The following PPARGC1B variants were observed in gnomAD, a reference collection of about 807,000 sequenced individuals.
PPARGC1B encodes peroxisome proliferator-activated receptor gamma coactivator 1-beta.
A neutral mutation model predicts 101.6 loss-of-function variants in PPARGC1B; 34 were observed. The ratio of observed to expected loss-of-function variants is 0.33; its 90% CI spans 0.25 to 0.45. PPARGC1B has a LOEUF of 0.45. Ranked by LOEUF, PPARGC1B falls within the 20% of genes least tolerant of loss-of-function variation. PPARGC1B has a pLI of 1.00. For synonymous variants in PPARGC1B, 548 were observed against 539.3 expected (o/e 1.02, Z -0.22); for missense variants, 1,234 against 1,317.6 (o/e 0.94, Z 0.98).
intron 1 of PPARGC1B, among the ~76,000 whole-genome samples, chr5:149,754,971 C>T (rs1376131968): frequency 3.4e-5 from 5 of 148,240 alleles, no homozygotes; most frequent in African/African-American, 1.2e-4. Context: ...TATATGTAAA[C>T]ACACACACTA....
intron 1 of PPARGC1B, among the ~76,000 whole-genome samples, chr5:149,745,553 C>T (rs887606986): frequency 3.3e-5 from 5 of 152,174 alleles, no homozygotes; most frequent in African/African-American, 1.2e-4. Context: ...TCCCCTCTCT[C>T]TTTCCTGCCT....
chr5:149,835,337 C>T lies in PPARGC1B; in HGVS notation c.1779C>T (p.Thr593=), dbSNP rs367887081. 6.2e-7 allele frequency: 1 copy of T among 1,614,198 alleles called. No individual in the cohort carries two copies. Among genetic ancestry groups the T allele is most frequent in the Non-Finnish European group, 8.5e-7 (1 of 1,180,026 alleles). ...TTGGCAAGAAGAGCTTTGAGCAGAC[C>T]TTGACAGTGGAGCTCTGTGGCACAG... ...PTFGKKSFEQ[T]LTVELCGTAG... Residue 593 remains threonine (T), a synonymous_variant, in exon 7 of 12, where the codon ACC becomes ACT. Transcript: ENST00000309241.
At chr5:149,795,566 G>T (rs995926481) in intron 1 of PPARGC1B, among the ~76,000 whole-genome samples, 1 of 152,144 alleles carries the variant, frequency 6.6e-6, no homozygotes, top group Non-Finnish European at 1.5e-5. Context: ...GGAGCAGTGG[G>T]GAGTTTCCAG....
Position 149,845,741 on chromosome 5 carries a change from C to T in PPARGC1B, c.2817-19C>T. The T allele has an allele frequency of 1.3e-6, 2 of 1,592,198 alleles. No individual in the cohort carries two copies. Among genetic ancestry groups the T allele is most frequent in the African/African-American group, 1.3e-5 (1 of 74,594 alleles). ...CCCAGCCAGCCCAATAACATACTCT[C>T]CTTGCTCCCTCCCCGCAGAGGCGAG... On this transcript the variant is annotated intron_variant, in intron 10 of 11. Coordinates refer to ENST00000309241, the MANE Select transcript of PPARGC1B (RefSeq NM_133263.4).
intron 1 of PPARGC1B, among the ~76,000 whole-genome samples, chr5:149,752,696 G>T (rs1222682248): frequency 6.6e-6 from 1 of 152,136 alleles, no homozygotes; most frequent in African/African-American, 2.4e-5. Flanking sequence ...AGGCGTGGTG[G>T]CAGGTGCCTG....
intron 1 of PPARGC1B, among the ~76,000 whole-genome samples, chr5:149,744,378 G>A (rs1251054504): frequency 2.0e-5 from 3 of 152,224 alleles, no homozygotes; most frequent in African/African-American, 4.8e-5. Context: ...AGGCAGACAC[G>A]TGGACTGCAG....
At chr5:149,750,627 C>CA (rs1309832517) in intron 1 of PPARGC1B, among the ~76,000 whole-genome samples, 5 of 152,050 alleles carry the variant, frequency 3.3e-5, no homozygotes, top group Non-Finnish European at 7.4e-5. Flanking sequence ...GAGCTGCTTA[C>CA]AGAGCCGCTG....
chr5:149,740,886 A>G (rs1313995012), intron 1 of PPARGC1B, among the ~76,000 whole-genome samples: 1 of 152,224 alleles, frequency 6.6e-6, no homozygotes, highest in Non-Finnish European at 1.5e-5. Context: ...TAAAACACAC[A>G]AATGTCAATT....
chr5:149,733,423 G>A (rs1754577952), intron 1 of PPARGC1B, among the ~76,000 whole-genome samples: 1 of 152,150 alleles, frequency 6.6e-6, no homozygotes, highest in Non-Finnish European at 1.5e-5. Context: ...CCTCTACTAG[G>A]CTCTCCCAGC....
chr5:149,833,332 TC>T lies in PPARGC1B; in HGVS notation c.1261del (p.Arg421AlafsTer62). On this transcript the variant is annotated frameshift_variant, in exon 5 of 12. Coordinates refer to ENST00000309241, the MANE Select transcript of PPARGC1B (RefSeq NM_133263.4). LOFTEE classifies it high-confidence loss of function. The surrounding 1 kb of genome is among the most constrained non-coding windows in gnomAD (Gnocchi z 4.1). ...RPLRLEVKRE[V>X]RRPARLQQQE... ...CTGCGGCTGGAGGTGAAAAGGGAGGTCCGCCGGCCTGCCAGACTGCAGCAGC... is the reference window on the plus strand; with the variant it reads ...CTGCGGCTGGAGGTGAAAAGGGAGGTCGCCGGCCTGCCAGACTGCAGCAGC... 1 of 1,611,032 alleles carries T rather than the reference TC, an allele frequency of 6.2e-7. No individual in the cohort carries two copies. Among genetic ancestry groups the T allele is most frequent in the Non-Finnish European group, 8.5e-7 (1 of 1,179,496 alleles).
At chr5:149,794,928 A>G (rs1395108391) in intron 1 of PPARGC1B, among the ~76,000 whole-genome samples, 3 of 152,190 alleles carry the variant, frequency 2.0e-5, no homozygotes, top group Non-Finnish European at 4.4e-5. Context: ...TGAGGGGGCC[A>G]TTGCCCCACT....
In PPARGC1B at chr5:149,847,872, A is replaced by C. The variant is rs1759630805; in HGVS notation, c.*314A>C. 1.1e-5 allele frequency: 4 copies of C among 373,726 alleles called. No individual in the cohort carries two copies. The highest frequency in any genetic ancestry group is 1.9e-5 in the Non-Finnish European group (4 of 205,862). The allele number at this position is 373,726 out of a possible 1,614,324, so 23.2% of individuals were successfully genotyped here. A position where few individuals can be genotyped will look rare whatever the true frequency, so the allele number is the denominator to read the frequency against. On this transcript the variant is annotated 3_prime_UTR_variant, in exon 12 of 12. Transcript: ENST00000309241. ...CCCATCGCCCCTTCCTTCCCGACTG[A>C]CTTCCTCTCGTAGACTTGCAGCTGT... is the stretch of plus-strand genomic sequence containing the variant.
At chr5:149,759,752 G>A (rs1188999514) in intron 1 of PPARGC1B, among the ~76,000 whole-genome samples, 1 of 152,212 alleles carries the variant, frequency 6.6e-6, no homozygotes, top group Non-Finnish European at 1.5e-5. Context: ...AGCAGCATGG[G>A]GCAGCTGCAA....
At chr5:149,792,379 C>T (rs1757052817) in intron 1 of PPARGC1B, among the ~76,000 whole-genome samples, 1 of 152,102 alleles carries the variant, frequency 6.6e-6, no homozygotes, top group South Asian at 2.1e-4. Context: ...TTCACAGCAG[C>T]TCCCCAGAGG....
chr5:149,763,046 A>G (rs1430597097), intron 1 of PPARGC1B, among the ~76,000 whole-genome samples: 2 of 152,000 alleles, frequency 1.3e-5, no homozygotes, highest in Non-Finnish European at 2.9e-5. Context: ...CAGCATCCCA[A>G]AGTATTAGCA....
intron 1 of PPARGC1B, among the ~76,000 whole-genome samples, chr5:149,740,644 A>G (rs756751361): frequency 5.3e-5 from 8 of 152,224 alleles, no homozygotes; most frequent in Non-Finnish European, 1.2e-4. Context: ...TATGGTTTAA[A>G]TCAGTGCTCT....
intron 1 of PPARGC1B, among the ~76,000 whole-genome samples, chr5:149,814,785 C>T (rs759410659): frequency 6.6e-6 from 1 of 152,246 alleles, no homozygotes; most frequent in Non-Finnish European, 1.5e-5. Context: ...CCCCATTAAT[C>T]CACGGCCAGG....
intron 1 of PPARGC1B, among the ~76,000 whole-genome samples, chr5:149,746,052 A>G (rs1755076888): frequency 6.6e-6 from 1 of 152,242 alleles, no homozygotes; most frequent in Non-Finnish European, 1.5e-5. Flanking sequence ...AGGTAGCAAC[A>G]GGACTAGAAT....
intron 1 of PPARGC1B, among the ~76,000 whole-genome samples, chr5:149,792,305 A>G (rs1189338423): frequency 6.6e-6 from 1 of 152,190 alleles, no homozygotes; most frequent in East Asian, 1.9e-4. Context: ...TCTAGTCAGC[A>G]TGGAGCATGG....
Sources: gnomAD v4.1 joint callset for allele counts (sites outside exome capture counted in the v4.1 genomes callset) on GRCh38, gnomAD v4.1.1 for gene constraint, Gnocchi (gnomAD v3.1) non-coding constraint, MANE v1.5 for transcripts, NCBI Gene and HGNC (gene_info 2026-07-23, HGNC 2026-07-21) for gene names.